Variants in VRK2 observed in about 807,000 individuals in gnomAD.
VRK2 encodes the protein VRK serine/threonine kinase 2, also known as serine/threonine-protein kinase VRK2.
A neutral mutation model predicts 57.6 loss-of-function variants in VRK2; 60 were observed. That is an observed-to-expected ratio of 1.04 (90% CI 0.85 to 1.29). The LOEUF is 1.29. Among genes scored for constraint, VRK2 ranks in the 50% most tolerant of loss-of-function variants. VRK2 has a pLI of 0.00. For synonymous variants in VRK2, 231 were observed against 199.2 expected (o/e 1.16, Z -1.35); for missense variants, 705 against 588.1 (o/e 1.20, Z -2.06).
chr2:57,907,599 C>T (rs1252292093), upstream of VRK2: 1 of 152,216 alleles, frequency 6.6e-6, no homozygotes, highest in Non-Finnish European at 1.5e-5. Flanking sequence ...ACTAGCATTT[C>T]CAAACAGAGC....
intron 1 of VRK2, among the ~76,000 whole-genome samples, chr2:57,969,160 A>T (rs934721167): frequency 6.6e-6 from 1 of 152,096 alleles, no homozygotes; most frequent in Admixed American, 6.6e-5. Context: ...AGAGACAAAA[A>T]TTATAAAGCA....
At chr2:58,095,209 G>A (rs972636177) in intron 7 of VRK2, among the ~76,000 whole-genome samples, 5 of 151,496 alleles carry the variant, frequency 3.3e-5, no homozygotes, top group Admixed American at 2.0e-4. Context: ...CAGGAGAATG[G>A]CGTGAACCCG....
At chr2:57,948,801 AAG>A (rs749732082) in intron 1 of VRK2, among the ~76,000 whole-genome samples, 9 of 152,128 alleles carry the variant, frequency 5.9e-5, no homozygotes, top group Non-Finnish European at 1.2e-4. Flanking sequence ...AGAGGGCAGA[AAG>A]AACCTGAAAA....
chr2:58,064,357 C>T (rs891688945), intron 2 of VRK2, among the ~76,000 whole-genome samples: 5 of 152,168 alleles, frequency 3.3e-5, no homozygotes, highest in African/African-American at 4.8e-5. Context: ...CCACAGTCAC[C>T]GCAGTCTTCA....
intron 1 of VRK2, among the ~76,000 whole-genome samples, chr2:58,016,932 C>CT: frequency 6.6e-6 from 1 of 152,254 alleles, no homozygotes; most frequent in African/African-American, 2.4e-5. Context: ...TTTACGGAGT[C>CT]TGACATTTTG....
chr2:58,048,479 A>G, intron 1 of VRK2: 1 of 1,090,354 alleles, frequency 9.2e-7, no homozygotes, highest in Non-Finnish European at 1.2e-6. Flanking sequence ...TGTACATGAA[A>G]TTTATTTTCT....
chr2:57,939,017 A>G (rs1003495469), intron 1 of VRK2, among the ~76,000 whole-genome samples: 1 of 152,198 alleles, frequency 6.6e-6, no homozygotes, highest in African/African-American at 2.4e-5. Flanking sequence ...TCAAACTGAG[A>G]AACAGACAAT....
At chr2:57,993,716 C>CCT (rs1672839992) in intron 1 of VRK2, among the ~76,000 whole-genome samples, 1 of 152,204 alleles carries the variant, frequency 6.6e-6, no homozygotes, top group East Asian at 1.9e-4. Flanking sequence ...ATGAATTGAA[C>CCT]CTCTCTCTGG....
At chr2:58,059,412 C>T (rs1677006319) in intron 2 of VRK2, among the ~76,000 whole-genome samples, 1 of 151,844 alleles carries the variant, frequency 6.6e-6, no homozygotes, top group African/African-American at 2.4e-5. Flanking sequence ...TTTTAATAAG[C>T]ACCATATAAA....
chr2:57,946,186 C>T (rs1457430900), intron 1 of VRK2, among the ~76,000 whole-genome samples: 1 of 151,968 alleles, frequency 6.6e-6, no homozygotes, highest in Non-Finnish European at 1.5e-5. Context: ...TGTATCACTA[C>T]AAAATCTAGA....
At chr2:57,995,248 C>T (rs1672889260) in intron 1 of VRK2, among the ~76,000 whole-genome samples, 1 of 152,076 alleles carries the variant, frequency 6.6e-6, no homozygotes, top group Non-Finnish European at 1.5e-5. Flanking sequence ...ATGCACTAGT[C>T]GTTTGGAAAA....
At chr2:58,069,556 G>T (rs1669101836) in intron 2 of VRK2, among the ~76,000 whole-genome samples, 1 of 152,016 alleles carries the variant, frequency 6.6e-6, no homozygotes, top group African/African-American at 2.4e-5. Flanking sequence ...TGGCAAGAGG[G>T]TGTAGAGTAT....
At chr2:57,967,294 A>G (rs1671951842) in intron 1 of VRK2, among the ~76,000 whole-genome samples, 1 of 152,106 alleles carries the variant, frequency 6.6e-6, no homozygotes, top group African/African-American at 2.4e-5. Flanking sequence ...TGATGGGTGC[A>G]GCAAACCACC....
chr2:57,949,456 G>C (rs1030498447), intron 1 of VRK2, among the ~76,000 whole-genome samples: 1 of 152,102 alleles, frequency 6.6e-6, no homozygotes, highest in African/African-American at 2.4e-5. Context: ...TCTGTGATCA[G>C]TGATCTTTGA....
At chr2:58,046,974 G>A (rs1011789051) in intron 1 of VRK2, 106 bp downstream of exon 1, 8 of 985,292 alleles carry the variant, frequency 8.1e-6, no homozygotes, top group Admixed American at 1.2e-4. Context: ...TTAGATGCCG[G>A]GGACTCCGGG....
chr2:58,134,815 T>G (rs1679771649), intron 9 of VRK2, among the ~76,000 whole-genome samples: 1 of 152,128 alleles, frequency 6.6e-6, no homozygotes, highest in South Asian at 2.1e-4. Flanking sequence ...AAACTTTAAT[T>G]AAATAAATTT....
At chr2:58,046,744 G>A (rs933410464), upstream of VRK2, 1 of 985,562 alleles carries the variant, frequency 1.0e-6, no homozygotes, top group Non-Finnish European at 1.2e-6. Context: ...GCAGGTCCTA[G>A]GGAGGGCAGG....
At chr2:57,915,836 C>T (rs1255209877) in intron 1 of VRK2, among the ~76,000 whole-genome samples, 1 of 152,090 alleles carries the variant, frequency 6.6e-6, no homozygotes, top group Non-Finnish European at 1.5e-5. Context: ...GCCTGAGCTC[C>T]GCCTCCAGTC....
chr2:58,113,936 G>A (rs1221806740), intron 7 of VRK2, among the ~76,000 whole-genome samples: 1 of 152,068 alleles, frequency 6.6e-6, no homozygotes, highest in African/African-American at 2.4e-5. Flanking sequence ...AATTTTTGGG[G>A]GTGGTATGGA....
Sources: allele counts gnomAD v4.1 joint callset (sites outside exome capture counted in the v4.1 genomes callset), GRCh38; gene constraint gnomAD v4.1.1; transcripts MANE v1.5; gene names NCBI Gene and HGNC (gene_info 2026-07-23, HGNC 2026-07-21).